Variants in PDE6B observed in about 807,000 individuals in gnomAD.
PDE6B encodes phosphodiesterase 6B.
A neutral mutation model predicts 109.0 loss-of-function variants in PDE6B; 106 were observed. That is an observed-to-expected ratio of 0.97 (90% confidence interval 0.83 to 1.14). The LOEUF (loss-of-function observed/expected upper bound fraction) is 1.14, where lower values mean the gene tolerates loss of function less well. Among genes scored for constraint, PDE6B ranks in the 50% most tolerant of loss-of-function variants. The pLI, the probability that PDE6B is intolerant of heterozygous loss-of-function variation, is 0.00. For missense variants in PDE6B, 1,193 were observed against 1,155.6 expected (o/e 1.03, Z -0.47); for synonymous variants, 490 against 471.3 (o/e 1.04, Z -0.51).
At chr4:657,174 G>C (rs762224193) in intron 9 of PDE6B, 151 bp downstream of exon 9, 105 of 1,120,720 alleles carry the variant, frequency 9.4e-5, no homozygotes, top group Admixed American at 3.5e-4. Flanking sequence ...ACGACAAAGG[G>C]CCCCCCCGGG....
Position 663,975 on chromosome 4 carries a change from C to T in PDE6B, c.2021+105C>T. ...CGGCACAGCCCGGGGGACGCAGCCC[C>T]GGATTCCGTCCCTGCCCGCCGGCCC... On this transcript the variant is annotated intron_variant, in intron 16 of 21. Coordinates refer to ENST00000496514, the MANE Select transcript of PDE6B (RefSeq NM_000283.4). The surrounding 1 kb of genome is among the most constrained non-coding windows in gnomAD (Gnocchi z 4.0). The T allele has an allele frequency of 9.1e-7, 1 of 1,100,464 alleles. No individual in the cohort carries two copies. The highest frequency in any genetic ancestry group is 1.4e-6 in the Non-Finnish European group (1 of 738,134). The allele number at this position is 1,100,464 out of a possible 1,614,324, so 68.2% of individuals were successfully genotyped here.
chr4:657,326 CCA>C, intron 9 of PDE6B, 23 bp from the exon 10 acceptor site: 2 of 1,612,398 alleles, frequency 1.2e-6, no homozygotes, highest in Non-Finnish European at 1.7e-6. Flanking sequence ...GCGCTGAGCG[CCA>C]GTGACACTGC....
chr4:660,732 AG>A, intron 12 of PDE6B, 119 bp downstream of exon 12: 2 of 845,994 alleles, frequency 2.4e-6, no homozygotes, highest in Non-Finnish European at 4.0e-6. Flanking sequence ...TGGGGGTTCC[AG>A]ATCCCACAGG....
Position 663,732 on chromosome 4 carries a change from C to A in PDE6B, c.1921-38C>A, listed in dbSNP as rs776493464. 1 of 1,515,434 alleles carries A rather than the reference C, an allele frequency of 6.6e-7. No homozygotes were observed. The highest frequency in any genetic ancestry group is 9.1e-7 in the Non-Finnish European group (1 of 1,093,178). 93.9% of individuals were successfully genotyped at this position (1,515,434 alleles called of 1,614,324 possible). ...GGTCCCCGGGCACCCTGAGAGGTGG[C>A]CGCAGGGCGCCTGACGCGCTGGGCA... On this transcript the variant is annotated intron_variant, in intron 15 of 21. Coordinates refer to ENST00000496514, the MANE Select transcript of PDE6B (RefSeq NM_000283.4). The surrounding 1 kb of genome is among the most constrained non-coding windows in gnomAD (Gnocchi z 4.0).
In PDE6B at chr4:663,696, G is replaced by T. The variant is rs1057044003; in HGVS notation, c.1921-74G>T. ...CGTGAGAGGCACAGGCAGCCGAGGC[G>T]GAAGGGGCGGGGTCCCCGGGCACCC... is the stretch of plus-strand genomic sequence containing the variant. On this transcript the variant is annotated intron_variant, in intron 15 of 21. Transcript: ENST00000496514. The surrounding 1 kb of genome is among the most constrained non-coding windows in gnomAD (Gnocchi z 4.0). The T allele has an allele frequency of 9.1e-7, 1 of 1,096,274 alleles. No homozygotes were observed. Among genetic ancestry groups the T allele is most frequent in the South Asian group, 1.3e-5 (1 of 78,810 alleles). 67.9% of individuals were successfully genotyped at this position (1,096,274 alleles called of 1,614,324 possible). A position where few individuals can be genotyped will look rare whatever the true frequency, so the allele number is the denominator to read the frequency against.
chr4:638,115 G>A (rs538066545), intron 3 of PDE6B, among the ~76,000 whole-genome samples: 72 of 152,274 alleles, frequency 4.7e-4, no homozygotes, highest in African/African-American at 1.4e-3. Flanking sequence ...CCTCACCAGC[G>A]TTTGGTGGAA....
At chr4:637,019 T>C (rs1379710158) in intron 3 of PDE6B, among the ~76,000 whole-genome samples, 1 of 152,246 alleles carries the variant, frequency 6.6e-6, no homozygotes, top group African/African-American at 2.4e-5. Context: ...GAGAGATTTG[T>C]CTCTTCTCCT....
intron 11 of PDE6B, among the ~76,000 whole-genome samples, chr4:659,514 TGTA>T (rs1736773760): frequency 6.6e-6 from 1 of 150,670 alleles, no homozygotes; most frequent in Non-Finnish European, 1.5e-5. Flanking sequence ...TGTGTGTGCA[TGTA>T]GGTGTGTGTG....
Position 663,680 on chromosome 4 carries a change from C to T in PDE6B, c.1921-90C>T. ...GGCCCGAGGGCGGGGGCGTGAGAGG[C>T]ACAGGCAGCCGAGGCGGAAGGGGCG... On this transcript the variant is annotated intron_variant, in intron 15 of 21. Transcript: ENST00000496514. The surrounding 1 kb of genome is among the most constrained non-coding windows in gnomAD (Gnocchi z 4.0). 1.1e-6 allele frequency: 1 copy of T among 930,722 alleles called. No individual in the cohort carries two copies. The highest frequency in any genetic ancestry group is 1.7e-6 in the Non-Finnish European group (1 of 573,774). 57.7% of individuals were successfully genotyped at this position (930,722 alleles called of 1,614,324 possible). A position where few individuals can be genotyped will look rare whatever the true frequency, so the allele number is the denominator to read the frequency against.
chr4:626,153 G>T lies in PDE6B; in HGVS notation c.468+59G>T. The T allele has an allele frequency of 2.9e-6, 3 of 1,049,584 alleles. No individual in the cohort carries two copies. Among genetic ancestry groups the T allele is most frequent in the African/African-American group, 3.1e-5 (2 of 63,686 alleles). 65.0% of individuals were successfully genotyped at this position (1,049,584 alleles called of 1,614,324 possible). On this transcript the variant is annotated intron_variant, in intron 1 of 21. Transcript: ENST00000496514. This position sits in a 1 kb window ranked among gnomAD's most constrained non-coding sequence, Gnocchi z 4.6. ...TGTGCATCTCTTGCACCTGTCCCAG[G>T]TGTCTAAGGGTCAGCTCGGATCCTC... is the stretch of plus-strand genomic sequence containing the variant.
At position 636,798 on chromosome 4, in the gene PDE6B, C is replaced by A. The variant is rs1222976927; in HGVS notation, c.711+829C>A. 6.6e-6 allele frequency among the ~76,000 whole-genome samples: 1 copy of A among 152,212 alleles called. No individual in the cohort carries two copies. The highest frequency in any genetic ancestry group is 2.4e-5 in the African/African-American group (1 of 41,466). On this transcript the variant is annotated intron_variant, in intron 3 of 21. Transcript: ENST00000496514. The surrounding 1 kb of genome is among the most constrained non-coding windows in gnomAD (Gnocchi z 4.5). ...TCTGGAGGAAGGCTGGGTTTAGGGG[C>A]CTCCTCCTGGCCCCAGGGCTGCCTC...
chr4:667,830 G>T (rs773464078), intron 20 of PDE6B, 26 bp from the exon 21 acceptor site: 9 of 1,609,966 alleles, frequency 5.6e-6, no homozygotes, highest in African/African-American at 4.0e-5. Flanking sequence ...GGACAGGACT[G>T]GTGGTGACTT....
chr4:661,843 C>T, intron 12 of PDE6B: 1 of 475,172 alleles, frequency 2.1e-6, no homozygotes, highest in Non-Finnish European at 3.9e-6. Context: ...CTCCTCCCAG[C>T]TTGAGGCCAG....
chr4:663,772 C>A lies in PDE6B; in HGVS notation c.1923C>A (p.Thr641=). The A allele has an allele frequency of 1.9e-6, 3 of 1,611,356 alleles. No individual in the cohort carries two copies. Among genetic ancestry groups the A allele is most frequent in the Non-Finnish European group, 2.5e-6 (3 of 1,178,578 alleles). ...EFGKFLLSEE[T]LNIYQNLNRR... is the part of the protein sequence containing the mutation. ...CGCGCTGGGCATAACCTCCGCAGACCCTGAACATCTACCAGAACCTGAACC... is the reference window on the plus strand; with the variant it reads ...CGCGCTGGGCATAACCTCCGCAGACACTGAACATCTACCAGAACCTGAACC... The change falls in exon 16 of 22, where the codon ACC becomes ACA. Residue 641 remains threonine, a splice_region_variant and synonymous_variant. Transcript: ENST00000496514. The surrounding 1 kb of genome is among the most constrained non-coding windows in gnomAD (Gnocchi z 4.0).
intron 2 of PDE6B, among the ~76,000 whole-genome samples, chr4:635,353 G>A (rs1210088784): frequency 9.4e-5 from 13 of 138,874 alleles, no homozygotes; most frequent in Non-Finnish European, 2.0e-4. Flanking sequence ...CTGCCTGCCT[G>A]CCTGCCCGCG....
chr4:649,242 C>T (rs774363749), intron 3 of PDE6B, among the ~76,000 whole-genome samples: 8 of 152,202 alleles, frequency 5.3e-5, no homozygotes, highest in Non-Finnish European at 1.0e-4. Context: ...ATTTAATTGA[C>T]ATAATGGCCA....
At position 653,505 on chromosome 4, in the gene PDE6B, C is replaced by G. The variant is rs546139153; in HGVS notation, c.712-347C>G. 8 of 481,334 alleles carry G rather than the reference C, an allele frequency of 1.7e-5. No individual in the cohort carries two copies. The Admixed American group carries it at 2.5e-4, about 15-fold the overall frequency. The allele number at this position is 481,334 out of a possible 1,614,324, so 29.8% of individuals were successfully genotyped here. On this transcript the variant is annotated intron_variant, in intron 3 of 21. Coordinates refer to ENST00000496514, the MANE Select transcript of PDE6B (RefSeq NM_000283.4). ...GGCCCGATGTTCTCAAAGCCCTGCT[C>G]GCCGCAGGTGGTTCTGGAGCAGCCG...
Position 665,454 on chromosome 4 carries a change from T to C in PDE6B, c.2268+125T>C. 1 of 724,730 alleles carries C rather than the reference T, an allele frequency of 1.4e-6. No individual in the cohort carries two copies. Among genetic ancestry groups the C allele is most frequent in the Non-Finnish European group, 2.5e-6 (1 of 394,824 alleles). The allele number at this position is 724,730 out of a possible 1,614,324, so 44.9% of individuals were successfully genotyped here. A position where few individuals can be genotyped will look rare whatever the true frequency, so the allele number is the denominator to read the frequency against. On this transcript the variant is annotated intron_variant, in intron 19 of 21. Transcript: ENST00000496514. The surrounding 1 kb of genome is among the most constrained non-coding windows in gnomAD (Gnocchi z 4.0). ...GTTCTGAGGTCGTGGGGTCCTTATC[T>C]CACTTTGTGGGATCATGTGACATGC... is the stretch of plus-strand genomic sequence containing the variant.
intron 3 of PDE6B, among the ~76,000 whole-genome samples, chr4:646,705 G>C (rs1735221153): frequency 1.3e-5 from 2 of 151,976 alleles, no homozygotes; most frequent in Admixed American, 1.3e-4. Flanking sequence ...GCCTCCGGCC[G>C]GGCGGCGGCG....
Sources: gnomAD v4.1 joint callset for allele counts (sites outside exome capture counted in the v4.1 genomes callset) on GRCh38, gnomAD v4.1.1 for gene constraint, Gnocchi (gnomAD v3.1) non-coding constraint, MANE v1.5 for transcripts, NCBI Gene and HGNC (gene_info 2026-07-23, HGNC 2026-07-21) for gene names.